Variants in KLHDC8A observed in about 807,000 individuals in gnomAD.
KLHDC8A encodes the protein kelch domain-containing protein 8A.
KLHDC8A carries 21 observed loss-of-function variants against 33.1 expected under a neutral mutation model. The observed-to-expected ratio is 0.64, with a 90% CI of 0.45 to 0.91. The LOEUF is 0.91. Among genes scored for constraint, KLHDC8A ranks in the 40% least tolerant of loss-of-function variants. The pLI is 0.00. For missense variants in KLHDC8A, 435 were observed against 483.3 expected, an observed-to-expected ratio of 0.90 and a Z score of 0.94; for synonymous variants, 173 against 193.5, an observed-to-expected ratio of 0.89 and a Z score of 0.88.
chr1:205,348,311 T>C (rs1430062538), intron 1 of KLHDC8A: 1 of 151,752 alleles, frequency 6.6e-6, no homozygotes, highest in Non-Finnish European at 1.5e-5. Flanking sequence ...TTCAGGGGGA[T>C]AGGAGGGAAG....
At position 205,339,891 on chromosome 1, in the gene KLHDC8A, G is replaced by A. The variant is rs545330198; in HGVS notation, c.377-83C>T. 24 of 1,316,638 alleles carry A rather than the reference G, an allele frequency of 1.8e-5. No homozygotes were observed. The African/African-American group carries it at 2.0e-4, about 11-fold the overall frequency. 81.6% of individuals were successfully genotyped at this position (1,316,638 alleles called of 1,614,324 possible). A position where few individuals can be genotyped will look rare whatever the true frequency, so the allele number is the denominator to read the frequency against. On this transcript the variant is annotated intron_variant, in intron 2 of 5. Coordinates refer to ENST00000367155, the MANE Select transcript of KLHDC8A (RefSeq NM_018203.3). This position sits in a 1 kb window ranked among gnomAD's most constrained non-coding sequence, Gnocchi z 5.1. ...CCACCAGCATCTATTGCCTCCCATG[G>A]CCAGGCCAAGCTTTCAACCACTGCT... is the stretch of plus-strand genomic sequence containing the variant.
chr1:205,337,675 C>CTGCTTGTGGGTGCCGAA, intron 5 of KLHDC8A, 83 bp from the exon 6 acceptor site: 2 of 973,544 alleles, frequency 2.1e-6, no homozygotes, highest in Non-Finnish European at 3.1e-6. Flanking sequence ...TCCCTCCCTT[C>CTGCTTGTGGGTGCCGAA]GGCACCCACA....
Position 205,339,401 on chromosome 1 carries a change from G to A in KLHDC8A, c.550C>T (p.Gln184Ter). The A allele has an allele frequency of 2.5e-6, 4 of 1,613,426 alleles. No homozygotes were observed. The highest frequency in any genetic ancestry group is 2.2e-5 in the South Asian group (2 of 90,946). ...AAAGCGTTGACCGCGTACTTGGACTGTCGTCCCCCTGGGGGCCAGAGCAGG... is the reference window on the plus strand; with the variant it reads ...AAAGCGTTGACCGCGTACTTGGACTATCGTCCCCCTGGGGGCCAGAGCAGG... ...GSKIYVLGGR[Q>*]SKYAVNAFEV... Residue 184 changes from glutamine to a stop codon, truncating the protein, a stop_gained, in exon 4 of 6, where the codon CAG becomes TAG. Transcript: ENST00000367155. LOFTEE classifies it high-confidence loss of function. This position sits in a 1 kb window ranked among gnomAD's most constrained non-coding sequence, Gnocchi z 5.1.
intron 1 of KLHDC8A, among the ~76,000 whole-genome samples, chr1:205,350,557 G>A (rs1224941814): frequency 2.6e-5 from 4 of 152,062 alleles, no homozygotes; most frequent in African/African-American, 9.7e-5. Context: ...CTATAGGCTG[G>A]GGAAGGCTGC....
chr1:205,342,281 A>T (rs1389813330), intron 2 of KLHDC8A, among the ~76,000 whole-genome samples: 1 of 152,110 alleles, frequency 6.6e-6, no homozygotes, highest in Admixed American at 6.5e-5. Flanking sequence ...TGGGATGAAG[A>T]TGTGCTCTTT....
intron 1 of KLHDC8A, among the ~76,000 whole-genome samples, chr1:205,354,679 A>T (rs1346643191): frequency 1.3e-5 from 2 of 152,126 alleles, no homozygotes; most frequent in Non-Finnish European, 2.9e-5. Flanking sequence ...GTCTCAAGGC[A>T]GGTGCATTCA....
rs371629132 is a variant in KLHDC8A at position 205,339,351 on chromosome 1, G to A, written c.600C>T (p.Arg200=). The change falls in exon 4 of 6, where the codon CGC becomes CGT. Residue 200 remains arginine, a synonymous_variant. Transcript: ENST00000367155. The surrounding 1 kb of genome is among the most constrained non-coding windows in gnomAD (Gnocchi z 5.1). ...NAFEVFDIET[R]SWTKFPNIPY... ...GAATGTTGGGAAACTTGGTCCAGGA[G>A]CGAGTCTCGATGTCAAAGACCTCGA... is the stretch of plus-strand genomic sequence containing the variant. 1.9e-4 allele frequency: 300 copies of A among 1,614,124 alleles called. No individual in the cohort carries two copies. Among genetic ancestry groups the A allele is most frequent in the Non-Finnish European group, 2.3e-4 (268 of 1,180,048 alleles).
Position 205,337,365 on chromosome 1 carries a change from T to G in KLHDC8A, c.*34A>C. 1 of 1,534,868 alleles carries G rather than the reference T, an allele frequency of 6.5e-7. No homozygotes were observed. Among genetic ancestry groups the G allele is most frequent in the Non-Finnish European group, 9.0e-7 (1 of 1,109,880 alleles). Reference sequence around the variant, plus strand: ...TCCTCATGTTAAGAGTGAAGTGATATGGTCCAGGGCAAAGGTACTGAGCCC... The same window carrying G: ...TCCTCATGTTAAGAGTGAAGTGATAGGGTCCAGGGCAAAGGTACTGAGCCC... On this transcript the variant is annotated 3_prime_UTR_variant, in exon 6 of 6. Coordinates refer to ENST00000367155, the MANE Select transcript of KLHDC8A (RefSeq NM_018203.3).
chr1:205,353,367 G>A (rs984592999), intron 1 of KLHDC8A, among the ~76,000 whole-genome samples: 26 of 152,118 alleles, frequency 1.7e-4, no homozygotes, highest in Admixed American at 3.3e-4. Flanking sequence ...TGTCTATGGC[G>A]GCTTTCCCAC....
In KLHDC8A at chr1:205,337,676, G is replaced by C. The variant is rs112007155; in HGVS notation, c.860-84C>G. On this transcript the variant is annotated intron_variant, in intron 5 of 5. Transcript: ENST00000367155. The stretch of plus-strand genomic sequence containing the variant: ...ACGGTCACCCCACCTCCCTCCCTTC[G>C]GCACCCACAAGCAGAAGCCAAGCAA... 5.5e-4 allele frequency: 531 copies of C among 958,838 alleles called. 2 individuals are homozygous for C. The African/African-American group carries it at 7.0e-3, about 13-fold the overall frequency. 59.4% of individuals were successfully genotyped at this position (958,838 alleles called of 1,614,324 possible).
At chr1:205,338,740 TC>T (rs1662704987) in intron 4 of KLHDC8A, 144 bp from the exon 5 acceptor site, 1 of 643,384 alleles carries the variant, frequency 1.6e-6, no homozygotes, top group Admixed American at 2.8e-5. Flanking sequence ...AGTACACAGT[TC>T]CTCCTGCTGT....
At position 205,337,209 on chromosome 1, in the gene KLHDC8A, T is replaced by A; in HGVS notation, c.*190A>T. On this transcript the variant is annotated 3_prime_UTR_variant, in exon 6 of 6. Coordinates refer to ENST00000367155, the MANE Select transcript of KLHDC8A (RefSeq NM_018203.3). The stretch of plus-strand genomic sequence containing the variant: ...AGCTGGTGGAGTCATCTGTGCCTCT[T>A]ACAGTTTTCTGAGATTGGTAGGATT... 1.7e-6 allele frequency: 1 copy of A among 592,750 alleles called. No homozygotes were observed. Among genetic ancestry groups the A allele is most frequent in the South Asian group, 2.0e-5 (1 of 50,206 alleles). 36.7% of individuals were successfully genotyped at this position (592,750 alleles called of 1,614,324 possible).
In KLHDC8A at chr1:205,343,440, C is replaced by A. The variant is rs537457099; in HGVS notation, c.165G>T (p.Glu55Asp). 4 of 1,613,526 alleles carry A rather than the reference C, an allele frequency of 2.5e-6. No homozygotes were observed. The highest frequency in any genetic ancestry group is 2.2e-5 in the East Asian group (1 of 44,866). Residue 55 changes from glutamate to aspartate, a missense_variant, in exon 2 of 6, where the codon GAG becomes GAT. Coordinates refer to ENST00000367155, the MANE Select transcript of KLHDC8A (RefSeq NM_018203.3). ...GGGGCAAGGCGGTCCACTGGTCGGC[C>A]TCCGGGGAGTAGACCTCGAAGCAGT... The part of the protein sequence containing the change: ...PMDCFEVYSP[E>D]ADQWTALPRL...
Position 205,343,713 on chromosome 1 carries a change from G to C in KLHDC8A, c.-109C>G, listed in dbSNP as rs941190614. On this transcript the variant is annotated 5_prime_UTR_variant, in exon 2 of 6. Transcript: ENST00000367155. ...CTATCGCCACCTCCATCTGGCTCCC[G>C]AGCGCCGGACCCAGCCAGACCCCGG... 2.4e-6 allele frequency: 3 copies of C among 1,253,094 alleles called. No homozygotes were observed. Among genetic ancestry groups the C allele is most frequent in the African/African-American group, 3.0e-5 (2 of 66,302 alleles). 77.6% of individuals were successfully genotyped at this position (1,253,094 alleles called of 1,614,324 possible). A position where few individuals can be genotyped will look rare whatever the true frequency, so the allele number is the denominator to read the frequency against.
At chr1:205,340,841 TGGCAGG>T (rs1662770825) in intron 2 of KLHDC8A, among the ~76,000 whole-genome samples, 2 of 152,212 alleles carry the variant, frequency 1.3e-5, no homozygotes, top group Admixed American at 6.5e-5. Flanking sequence ...TTTTTAGATA[TGGCAGG>T]GGCCTTTAGA....
At chr1:205,352,187 CTTG>C (rs1053310026) in intron 1 of KLHDC8A, among the ~76,000 whole-genome samples, 7 of 152,156 alleles carry the variant, frequency 4.6e-5, no homozygotes, top group Admixed American at 6.5e-5. Flanking sequence ...TTGAGGCAGC[CTTG>C]TTGTCCATCC....
chr1:205,351,164 T>A (rs1663093314), intron 1 of KLHDC8A: 9 of 714,028 alleles, frequency 1.3e-5, no homozygotes, highest in South Asian at 8.7e-5. Flanking sequence ...ACCTGGTACA[T>A]AGCATATATT....
Position 205,343,219 on chromosome 1 carries a change from C to T in KLHDC8A, c.376+10G>A. The T allele has an allele frequency of 6.4e-7, 1 of 1,574,434 alleles. No homozygotes were observed. The highest frequency in any genetic ancestry group is 1.2e-5 in the South Asian group (1 of 85,384). The stretch of plus-strand genomic sequence containing the variant: ...TCTCTCTGGCCGCCCTCAGCCCTGG[C>T]CCCACTTGCCTTTGGCCGTGACAGA... On this transcript the variant is annotated intron_variant, in intron 2 of 5. Coordinates refer to ENST00000367155, the MANE Select transcript of KLHDC8A (RefSeq NM_018203.3).
Position 205,339,403 on chromosome 1 carries a change from C to T in KLHDC8A, c.548G>A (p.Arg183Gln), listed in dbSNP as rs375555442. The part of the protein sequence containing the change: ...RGSKIYVLGG[R>Q]QSKYAVNAFE... Reference sequence around the variant, plus strand: ...AGCGTTGACCGCGTACTTGGACTGTCGTCCCCCTGGGGGCCAGAGCAGGAT... The same window carrying T: ...AGCGTTGACCGCGTACTTGGACTGTTGTCCCCCTGGGGGCCAGAGCAGGAT... Residue 183 changes from arginine to glutamine, a missense_variant, in exon 4 of 6, where the codon CGA (arginine) becomes CAA (glutamine). Coordinates refer to ENST00000367155, the MANE Select transcript of KLHDC8A (RefSeq NM_018203.3). The surrounding 1 kb of genome is among the most constrained non-coding windows in gnomAD (Gnocchi z 5.1). 4.1e-5 allele frequency: 66 copies of T among 1,613,142 alleles called. No individual in the cohort carries two copies. The highest frequency in any genetic ancestry group is 5.2e-5 in the Non-Finnish European group (61 of 1,179,542).
Sources: allele counts gnomAD v4.1 joint callset (sites outside exome capture counted in the v4.1 genomes callset), GRCh38; gene constraint gnomAD v4.1.1; non-coding constraint Gnocchi (gnomAD v3.1); transcripts MANE v1.5; gene names NCBI Gene and HGNC (gene_info 2026-07-23, HGNC 2026-07-21).